The following SAMD12 variants were observed in gnomAD, a reference collection of about 807,000 sequenced individuals.
SAMD12 encodes sterile alpha motif domain containing 12.
SAMD12 carries 9 observed loss-of-function variants against 15.0 expected under a neutral mutation model. The ratio of observed to expected loss-of-function variants is 0.60; its 90% CI spans 0.36 to 1.05. The LOEUF is 1.05. Ranked by LOEUF, SAMD12 falls within the 50% of genes least tolerant of loss-of-function variation. The probability of loss-of-function intolerance (pLI) is 0.01; values close to 1 mark genes in which losing one functional copy is unlikely to be tolerated. For missense variants in SAMD12, 230 were observed against 234.2 expected, an observed-to-expected ratio of 0.98 and a Z score of 0.12; for synonymous variants, 86 against 90.1, an observed-to-expected ratio of 0.96 and a Z score of 0.25.
At chr8:118,505,551 A>G (rs1416463875) in intron 2 of SAMD12, among the ~76,000 whole-genome samples, 1 of 152,058 alleles carries the variant, frequency 6.6e-6, no homozygotes, top group Non-Finnish European at 1.5e-5. Flanking sequence ...CTTGACATGC[A>G]AATATGATGA....
rs371907628 is a variant in SAMD12 at position 118,271,919 on chromosome 8, G to A, written c.434-74187C>T. ...CTGCTTTCATGGGCTGGCATTGAGT[G>A]CCTGTGGCTTTTCCAGACTCACAGT... On this transcript the variant is annotated intron_variant, in intron 4 of 4. Transcript: ENST00000409003. Among the ~76,000 whole-genome samples the A allele has an allele frequency of 7.9e-5, 12 of 152,332 alleles. No homozygotes were observed. The East Asian group carries it at 9.6e-4, about 12-fold the overall frequency.
intron 4 of SAMD12, among the ~76,000 whole-genome samples, chr8:118,280,357 T>C (rs2130153732): frequency 6.6e-6 from 1 of 152,320 alleles, no homozygotes; most frequent in East Asian, 1.9e-4. Context: ...CAAAGTGCAC[T>C]GAACTTATCT....
the SAMD12 span, among the ~76,000 whole-genome samples, chr8:118,171,770 C>T: frequency 3.7e-5 from 5 of 135,318 alleles, no homozygotes; most frequent in East Asian, 2.1e-4. Flanking sequence ...TGAAATTGTT[C>T]TAAAATTAGA....
intron 4 of SAMD12, among the ~76,000 whole-genome samples, chr8:118,206,021 A>T (rs1336079345): frequency 1.3e-5 from 2 of 152,208 alleles, no homozygotes. Flanking sequence ...ACTGACTCTG[A>T]TTCCTGGAGG....
At chr8:118,374,764 T>C (rs1242800111), downstream of SAMD12, among the ~76,000 whole-genome samples, 1 of 152,146 alleles carries the variant, frequency 6.6e-6, no homozygotes, top group Non-Finnish European at 1.5e-5. Context: ...ATTGGCCATT[T>C]GCATACCCTT....
At chr8:118,209,297 G>A (rs577450408) in intron 4 of SAMD12, among the ~76,000 whole-genome samples, 1 of 152,296 alleles carries the variant, frequency 6.6e-6, no homozygotes, top group South Asian at 2.1e-4. Context: ...GTGGTGAAAG[G>A]GTAGGGCTTG....
intron 2 of SAMD12, among the ~76,000 whole-genome samples, chr8:118,461,408 C>A (rs1823419416): frequency 6.6e-6 from 1 of 152,134 alleles, no homozygotes; most frequent in Non-Finnish European, 1.5e-5. Flanking sequence ...TATGGTAATT[C>A]TTGAATGTAT....
At chr8:118,345,253 T>C (rs1438692034) in intron 4 of SAMD12, among the ~76,000 whole-genome samples, 1 of 152,202 alleles carries the variant, frequency 6.6e-6, no homozygotes, top group Non-Finnish European at 1.5e-5. Context: ...CCTATAGCAA[T>C]AGATTATACC....
chr8:118,199,542 A>G (rs1037454440), intron 4 of SAMD12, among the ~76,000 whole-genome samples: 1 of 152,242 alleles, frequency 6.6e-6, no homozygotes, highest in African/African-American at 2.4e-5. Context: ...AAAAAGAATA[A>G]TGATAATAAA....
At chr8:118,168,049 G>A in the SAMD12 span, among the ~76,000 whole-genome samples, 5 of 152,152 alleles carry the variant, frequency 3.3e-5, no homozygotes, top group Non-Finnish European at 4.4e-5. Context: ...TGCTATTCTC[G>A]TGATAGTGAA....
At chr8:118,132,798 A>G in the SAMD12 span, among the ~76,000 whole-genome samples, 1 of 151,752 alleles carries the variant, frequency 6.6e-6, no homozygotes. Context: ...TTTTAATTGC[A>G]GGAGCCTTAG....
intron 3 of SAMD12, among the ~76,000 whole-genome samples, chr8:118,386,360 C>T (rs576969823): frequency 2.6e-5 from 4 of 152,204 alleles, no homozygotes; most frequent in East Asian, 1.9e-4. Flanking sequence ...TCTCCTCTTG[C>T]GCGTGTATAA....
intron 4 of SAMD12, among the ~76,000 whole-genome samples, chr8:118,308,196 C>T (rs1332868029): frequency 6.6e-6 from 1 of 152,184 alleles, no homozygotes; most frequent in African/African-American, 2.4e-5. Context: ...CTCATTTGAG[C>T]GTTCCATTTG....
chr8:118,526,381 C>T (rs900322712), intron 2 of SAMD12, among the ~76,000 whole-genome samples: 11 of 152,016 alleles, frequency 7.2e-5, no homozygotes, highest in Admixed American at 2.6e-4. Flanking sequence ...ACCTTGCTAC[C>T]GATCAGAATC....
intron 4 of SAMD12, among the ~76,000 whole-genome samples, chr8:118,346,529 A>C (rs1817665628): frequency 6.6e-6 from 1 of 152,192 alleles, no homozygotes; most frequent in Non-Finnish European, 1.5e-5. Context: ...GTGGGATTGA[A>C]CAGCTCCTCA....
chr8:118,283,961 G>A (rs1396995970), intron 4 of SAMD12, among the ~76,000 whole-genome samples: 2 of 152,116 alleles, frequency 1.3e-5, no homozygotes, highest in Non-Finnish European at 2.9e-5. Flanking sequence ...AAGTCCTCTG[G>A]CACCCTAGAA....
intron 4 of SAMD12, among the ~76,000 whole-genome samples, chr8:118,248,377 T>C (rs1276908809): frequency 6.6e-6 from 1 of 152,128 alleles, no homozygotes; most frequent in Non-Finnish European, 1.5e-5. Flanking sequence ...CATACAAACG[T>C]TGGCTCTGAC....
chr8:118,347,216 A>T (rs1396430209), intron 4 of SAMD12, among the ~76,000 whole-genome samples: 1 of 152,176 alleles, frequency 6.6e-6, no homozygotes, highest in Admixed American at 6.5e-5. Flanking sequence ...GGCATGAGCC[A>T]CTGGGCCCAG....
At chr8:118,410,643 G>A (rs968606269) in intron 3 of SAMD12, among the ~76,000 whole-genome samples, 3 of 152,116 alleles carry the variant, frequency 2.0e-5, no homozygotes, top group Non-Finnish European at 4.4e-5. Context: ...AATGTTTCTG[G>A]CTAAGTCAAA....
Sources: allele counts gnomAD v4.1 joint callset (sites outside exome capture counted in the v4.1 genomes callset), GRCh38; gene constraint gnomAD v4.1.1; transcripts MANE v1.5; gene names NCBI Gene and HGNC (gene_info 2026-07-23, HGNC 2026-07-21).